Variants in RFK observed in about 807,000 individuals in gnomAD.
RFK encodes 0610038L10Rik.
In RFK, 4 loss-of-function variants were observed where a neutral mutation model predicts 17.6. The ratio of observed to expected loss-of-function variants is 0.23; its 90% CI spans 0.11 to 0.52. The LOEUF is 0.52. Among genes scored for constraint, RFK ranks in the 20% least tolerant of loss-of-function variants. RFK has a pLI of 0.96. For missense variants in RFK, 189 were observed against 187.7 expected (o/e 1.01, Z -0.04); for synonymous variants, 59 against 63.8 (o/e 0.92, Z 0.36).
rs573448608 is a variant in RFK, at chr9:76,392,532, A to G, written c.120T>C (p.Ala40=). Residue 40 remains alanine (A), a synonymous_variant, in exon 2 of 4, where the codon GCT becomes GCC. Coordinates refer to ENST00000376736, the MANE Select transcript of RFK (RefSeq NM_018339.6). ...FPEQVVDNLP[A]DISTGIYYGW... is the part of the protein sequence containing the mutation. Reference sequence around the variant, plus strand: ...CATAGTAAATACCAGTGGATATATCAGCTGGAAGATTATCTACCACTTGCT... The same window carrying G: ...CATAGTAAATACCAGTGGATATATCGGCTGGAAGATTATCTACCACTTGCT... 6.2e-7 allele frequency: 1 copy of G among 1,614,064 alleles called. No individual in the cohort carries two copies. The highest frequency in any genetic ancestry group is 8.5e-7 in the Non-Finnish European group (1 of 1,179,906).
At chr9:76,394,059 GC>G in intron 1 of RFK, 30 bp downstream of exon 1, 1 of 1,563,260 alleles carries the variant, frequency 6.4e-7, no homozygotes, top group Non-Finnish European at 8.7e-7. Context: ...ACGTGACCCG[GC>G]CCGGGGGACT....
intron 2 of RFK, among the ~76,000 whole-genome samples, chr9:76,391,276 C>T (rs1192888408): frequency 1.3e-5 from 2 of 152,250 alleles, no homozygotes; most frequent in Non-Finnish European, 2.9e-5. Context: ...TAACTCCACA[C>T]AGAACAAAAT....
chr9:76,388,524 G>A (rs2501924), intron 3 of RFK, 30 bp downstream of exon 3: 1,236,007 of 1,316,494 alleles, frequency 0.94, 581,047 homozygotes, highest in East Asian at 1. Flanking sequence ...AGCAGTAGTA[G>A]TATTTAAGAA....
Position 76,385,801 on chromosome 9 carries a change from T to G in RFK, c.*1598A>C, listed in dbSNP as rs1216273520. The G allele has an allele frequency of 6.6e-6, 1 of 152,218 alleles. No individual in the cohort carries two copies. Among genetic ancestry groups the G allele is most frequent in the African/African-American group, 2.4e-5 (1 of 41,462 alleles). 9.4% of individuals were successfully genotyped at this position (152,218 alleles called of 1,614,324 possible). ...AACACAAATATTTTCACATTTCCTA[T>G]GTTTGTTTTTAACTTTACTTCATAA... On this transcript the variant is annotated 3_prime_UTR_variant, in exon 4 of 4. Coordinates refer to ENST00000376736, the MANE Select transcript of RFK (RefSeq NM_018339.6).
At position 76,392,725 on chromosome 9, in the gene RFK, T is replaced by C. The variant is rs546742683; in HGVS notation, c.83-156A>G. ...GGGTTTGAGACCGGCCCGGGTAACA[T>C]AGTGAGATCTTACCTCTATTAAAAA... On this transcript the variant is annotated intron_variant, in intron 1 of 3. Coordinates refer to ENST00000376736, the MANE Select transcript of RFK (RefSeq NM_018339.6). Among the ~76,000 whole-genome samples, 26 of 152,124 alleles carry C rather than the reference T, an allele frequency of 1.7e-4. No homozygotes were observed. The South Asian group carries it at 5.0e-3, about 29-fold the overall frequency.
intron 1 of RFK, among the ~76,000 whole-genome samples, chr9:76,393,332 G>A (rs1462904902): frequency 1.3e-5 from 2 of 151,818 alleles, no homozygotes; most frequent in African/African-American, 2.4e-5. Context: ...TCAGGTTCCC[G>A]AGTAGCTGGG....
chr9:76,389,297 C>T (rs11144870), intron 2 of RFK, among the ~76,000 whole-genome samples: 26,975 of 152,126 alleles, frequency 0.18, 3,122 homozygotes, highest in Non-Finnish European at 0.26. Flanking sequence ...TGGGTTCCCA[C>T]ACTTGGTTAA....
intron 3 of RFK, chr9:76,387,893 G>C (rs1587390407): frequency 4.3e-6 from 1 of 230,142 alleles, no homozygotes; most frequent in East Asian, 1.2e-4. Flanking sequence ...CAGCTACTCA[G>C]GAAGCTGAGG....
At position 76,387,534 on chromosome 9, in the gene RFK, A is replaced by G. The variant is rs1284224478; in HGVS notation, c.338-5T>C. The G allele has an allele frequency of 1.9e-6, 3 of 1,608,292 alleles. No individual in the cohort carries two copies. The Admixed American group carries it at 5.0e-5, about 27-fold the overall frequency. ...GAATTGCTGAAATAAGTGACTCTGC[A>G]GAGAGAATATACCAGGTAAAAATGA... On this transcript the variant is annotated splice_region_variant and splice_polypyrimidine_tract_variant and intron_variant, in intron 3 of 3. Coordinates refer to ENST00000376736, the MANE Select transcript of RFK (RefSeq NM_018339.6).
chr9:76,389,174 A>T (rs956080247), intron 2 of RFK, among the ~76,000 whole-genome samples: 3 of 152,226 alleles, frequency 2.0e-5, no homozygotes, highest in Non-Finnish European at 4.4e-5. Flanking sequence ...TACACAGCAC[A>T]TTAAAGCAAA....
In RFK at chr9:76,388,639, A is replaced by T. The variant is rs781425999; in HGVS notation, c.252T>A (p.His84Gln). Reference protein sequence around the residue: ...TKKSMETHIMHTFKEDFYGEI... With the variant: ...TKKSMETHIMQTFKEDFYGEI... The stretch of plus-strand genomic sequence containing the variant: ...CCCCATAGAAGTCCTCTTTGAAGGT[A>T]TGCATGATATGTGTTTCCTATAGTC... The change falls in exon 3 of 4, where the codon CAT (histidine) becomes CAA (glutamine). Residue 84 changes from histidine to glutamine, a missense_variant. His to Gln is a conservative substitution (Grantham distance 24). Coordinates refer to ENST00000376736, the MANE Select transcript of RFK (RefSeq NM_018339.6). 2.6e-5 allele frequency: 41 copies of T among 1,606,858 alleles called. No homozygotes were observed. In the Admixed American group the frequency reaches 6.8e-4, roughly 27 times the overall value.
In RFK at chr9:76,386,722, T is replaced by C. The variant is rs1406520183; in HGVS notation, c.*677A>G. ...CAATAATGAAGGTGGTACAATGATG[T>C]GACTGCAAAGAAAATGACTAAAACA... On this transcript the variant is annotated 3_prime_UTR_variant, in exon 4 of 4. Transcript: ENST00000376736. 6.6e-6 allele frequency: 1 copy of C among 152,200 alleles called. No individual in the cohort carries two copies. Among genetic ancestry groups the C allele is most frequent in the Non-Finnish European group, 1.5e-5 (1 of 68,040 alleles). The allele number at this position is 152,200 out of a possible 1,614,324, so 9.4% of individuals were successfully genotyped here.
At position 76,394,249 on chromosome 9, in the gene RFK, C is replaced by T. The variant is rs1397288248; in HGVS notation, c.-78G>A. The T allele has an allele frequency of 2.1e-6, 3 of 1,430,650 alleles. No homozygotes were observed. In the South Asian group the frequency reaches 3.8e-5, roughly 18 times the overall value. The allele number at this position is 1,430,650 out of a possible 1,614,324, so 88.6% of individuals were successfully genotyped here. A position where few individuals can be genotyped will look rare whatever the true frequency, so the allele number is the denominator to read the frequency against. On this transcript the variant is annotated 5_prime_UTR_variant, in exon 1 of 4. Coordinates refer to ENST00000376736, the MANE Select transcript of RFK (RefSeq NM_018339.6). ...GCCGCCGTCGACGCGGCGCCCAGAC[C>T]CCGGACCAGCCGGGGGACAGGAGCG...
chr9:76,385,843 G>C lies in RFK; in HGVS notation c.*1556C>G, dbSNP rs2131552382. On this transcript the variant is annotated 3_prime_UTR_variant, in exon 4 of 4. Coordinates refer to ENST00000376736, the MANE Select transcript of RFK (RefSeq NM_018339.6). ...ACTTCATAAAGCCACTGATAATTGA[G>C]GTTTCTTTCAAGTATAAGATTTCTA... 6.6e-6 allele frequency: 1 copy of C among 152,134 alleles called. No individual in the cohort carries two copies. The highest frequency in any genetic ancestry group is 1.9e-4 in the East Asian group (1 of 5,188). 9.4% of individuals were successfully genotyped at this position (152,134 alleles called of 1,614,324 possible).
Position 76,394,424 on chromosome 9 carries a change from A to T in RFK, c.-253T>A. 3 of 395,582 alleles carry T rather than the reference A, an allele frequency of 7.6e-6. No individual in the cohort carries two copies. The highest frequency in any genetic ancestry group is 9.0e-6 in the Non-Finnish European group (2 of 222,896). The allele number at this position is 395,582 out of a possible 1,614,324, so 24.5% of individuals were successfully genotyped here. ...GAGGGCAGCGGAGACAGCCGAAGTA[A>T]GTGCCGGGTGTGAGCGGGGTGGGGG... On this transcript the variant is annotated 5_prime_UTR_variant, in exon 1 of 4. Coordinates refer to ENST00000376736, the MANE Select transcript of RFK (RefSeq NM_018339.6).
rs1822774870 is a variant in RFK, at chr9:76,388,634, A to G, written c.257T>C (p.Phe86Ser). The G allele has an allele frequency of 1.2e-6, 2 of 1,609,942 alleles. No individual in the cohort carries two copies. Among genetic ancestry groups the G allele is most frequent in the Non-Finnish European group, 1.7e-6 (2 of 1,176,292 alleles). ...KSMETHIMHT[F>S]KEDFYGEILN... ...GATTTCCCCATAGAAGTCCTCTTTG[A>G]AGGTATGCATGATATGTGTTTCCTA... The change falls in exon 3 of 4, where the codon TTC (phenylalanine) becomes TCC (serine). Residue 86 changes from phenylalanine (F) to serine (S), a missense_variant. Phe to Ser is a radical substitution (Grantham distance 155). This residue lies in a region of RFK where 95 missense variants were observed against 95.7 expected (regional missense o/e 0.99). Coordinates refer to ENST00000376736, the MANE Select transcript of RFK (RefSeq NM_018339.6).
chr9:76,388,303 A>G, intron 3 of RFK: 1 of 590,116 alleles, frequency 1.7e-6, no homozygotes, highest in Non-Finnish European at 3.2e-6. Flanking sequence ...TCAAAGCTAG[A>G]CTCCGTTATT....
chr9:76,389,984 G>C (rs1033208617), intron 2 of RFK, among the ~76,000 whole-genome samples: 15 of 152,106 alleles, frequency 9.9e-5, no homozygotes, highest in African/African-American at 2.9e-4. Flanking sequence ...AAAATCTTGA[G>C]AACAAAACTA....
rs1015283758 is a variant in RFK at position 76,385,952 on chromosome 9, C to G, written c.*1447G>C. 4 of 152,180 alleles carry G rather than the reference C, an allele frequency of 2.6e-5. No homozygotes were observed. Among genetic ancestry groups the G allele is most frequent in the African/African-American group, 9.7e-5 (4 of 41,450 alleles). 9.4% of individuals were successfully genotyped at this position (152,180 alleles called of 1,614,324 possible). A position where few individuals can be genotyped will look rare whatever the true frequency, so the allele number is the denominator to read the frequency against. ...AACTATTTATATGAGTCCCTCTTCT[C>G]CAACAGCTTTAGATGTTTTTCTGAG... On this transcript the variant is annotated 3_prime_UTR_variant, in exon 4 of 4. Coordinates refer to ENST00000376736, the MANE Select transcript of RFK (RefSeq NM_018339.6).
Sources: gnomAD v4.1 joint callset for allele counts (sites outside exome capture counted in the v4.1 genomes callset) on GRCh38, gnomAD v4.1.1 for gene constraint, gnomAD v4.1.1 regional missense constraint, MANE v1.5 for transcripts, NCBI Gene and HGNC (gene_info 2026-07-23, HGNC 2026-07-21) for gene names.